Variants in CERT1 observed in about 807,000 individuals in gnomAD.
The protein encoded by CERT1 is ceramide transfer protein.
CERT1 carries 31 observed loss-of-function variants against 87.9 expected under a neutral mutation model. The ratio of observed to expected loss-of-function variants is 0.35; its 90% CI spans 0.27 to 0.48. CERT1 has a LOEUF of 0.48. Ranked by LOEUF, CERT1 falls within the 20% of genes least tolerant of loss-of-function variation. CERT1 has a pLI of 0.99. For synonymous variants in CERT1, 289 were observed against 250.9 expected, an observed-to-expected ratio of 1.15 and a Z score of -1.44; for missense variants, 487 against 758.0, an observed-to-expected ratio of 0.64 and a Z score of 4.20.
rs1404017968 is a variant in CERT1 at position 75,498,397 on chromosome 5, C to G, written c.231+7585G>C. Among the ~76,000 whole-genome samples the G allele has an allele frequency of 3.3e-5, 5 of 152,280 alleles. No individual in the cohort carries two copies. In the South Asian group the frequency reaches 6.2e-4, roughly 19 times the overall value. ...TCATGGCAGCCCCTCCCATCAAACA[C>G]CTGGAGGCCTAGGAGGGAAAAATGG... On this transcript the variant is annotated intron_variant, in intron 2 of 16. Transcript: ENST00000643780.
chr5:75,498,191 T>C (rs1767164885), intron 2 of CERT1, among the ~76,000 whole-genome samples: 1 of 152,190 alleles, frequency 6.6e-6, no homozygotes, highest in South Asian at 2.1e-4. Flanking sequence ...TGGCAAAGCA[T>C]TCAAGATGAA....
chr5:75,395,848 T>C (rs1762229781), intron 11 of CERT1, among the ~76,000 whole-genome samples: 1 of 151,804 alleles, frequency 6.6e-6, no homozygotes, highest in Admixed American at 6.6e-5. Flanking sequence ...AGACTCTGTC[T>C]CAAAAAAACC....
intron 3 of CERT1, among the ~76,000 whole-genome samples, chr5:75,435,557 T>C (rs183521950): frequency 3.3e-5 from 5 of 152,320 alleles, no homozygotes; most frequent in East Asian, 3.9e-4. Context: ...GGGCTGGTGT[T>C]CCTTTAATCT....
At position 75,426,577 on chromosome 5, in the gene CERT1, G is replaced by A. The variant is rs547543311; in HGVS notation, c.349-99C>T. ...ATTAACAAGGTTATTATAACAATTG[G>A]CAGTCTGGGTGCACATAAGATATAT... On this transcript the variant is annotated intron_variant, in intron 3 of 16. Coordinates refer to ENST00000643780, the MANE Select transcript of CERT1 (RefSeq NM_001379029.1). The A allele has an allele frequency of 2.0e-5, 16 of 800,916 alleles. 1 individual carries two copies. The highest frequency in any genetic ancestry group is 3.1e-5 in the Non-Finnish European group (15 of 485,180). The allele number at this position is 800,916 out of a possible 1,614,324, so 49.6% of individuals were successfully genotyped here. A position where few individuals can be genotyped will look rare whatever the true frequency, so the allele number is the denominator to read the frequency against.
chr5:75,496,564 C>T (rs929572656), intron 2 of CERT1, among the ~76,000 whole-genome samples: 4 of 152,132 alleles, frequency 2.6e-5, no homozygotes, highest in Non-Finnish European at 5.9e-5. Flanking sequence ...AAACTGGAAA[C>T]AAATATATAT....
intron 2 of CERT1, among the ~76,000 whole-genome samples, chr5:75,495,816 T>C (rs1213748521): frequency 6.6e-6 from 1 of 152,152 alleles, no homozygotes; most frequent in African/African-American, 2.4e-5. Context: ...TCAGAACTCA[T>C]GCTAAATGAC....
At chr5:75,412,675 G>T (rs1475095339) in intron 7 of CERT1, among the ~76,000 whole-genome samples, 1 of 152,116 alleles carries the variant, frequency 6.6e-6, no homozygotes, top group Non-Finnish European at 1.5e-5. Flanking sequence ...TAACATGATG[G>T]TTAAGTATTT....
At chr5:75,442,518 G>A (rs973745293) in intron 3 of CERT1, among the ~76,000 whole-genome samples, 1 of 152,218 alleles carries the variant, frequency 6.6e-6, no homozygotes. Context: ...ACTGTGCCCA[G>A]CCTTTCTGAT....
intron 12 of CERT1, among the ~76,000 whole-genome samples, chr5:75,388,050 G>C (rs1404861805): frequency 6.6e-6 from 1 of 152,142 alleles, no homozygotes; most frequent in African/African-American, 2.4e-5. Flanking sequence ...GGCAGGTCTG[G>C]CTCAACCCTT....
At chr5:75,395,633 G>A (rs1249382986) in intron 11 of CERT1, among the ~76,000 whole-genome samples, 8 of 151,384 alleles carry the variant, frequency 5.3e-5, no homozygotes, top group Non-Finnish European at 7.4e-5. Context: ...AGGCCGAGAC[G>A]GGCAGATCAC....
intron 5 of CERT1, among the ~76,000 whole-genome samples, chr5:75,424,557 C>T (rs1454682114): frequency 7.6e-5 from 11 of 144,262 alleles, no homozygotes; most frequent in Admixed American, 5.6e-4. Flanking sequence ...GGTGACAGAG[C>T]GAGACTCTGT....
At chr5:75,437,365 G>A (rs2112231457) in intron 3 of CERT1, among the ~76,000 whole-genome samples, 1 of 152,268 alleles carries the variant, frequency 6.6e-6, no homozygotes, top group South Asian at 2.1e-4. Flanking sequence ...TAAGTGATGG[G>A]TAACAGATAA....
chr5:75,393,822 G>C (rs768417803), intron 11 of CERT1, among the ~76,000 whole-genome samples: 10 of 151,528 alleles, frequency 6.6e-5, no homozygotes, highest in Non-Finnish European at 1.3e-4. Flanking sequence ...AAAATTAGCT[G>C]GGCGTGGTGG....
intron 2 of CERT1, among the ~76,000 whole-genome samples, chr5:75,480,502 A>G (rs924664523): frequency 1.3e-5 from 2 of 152,220 alleles, no homozygotes; most frequent in Non-Finnish European, 2.9e-5. Flanking sequence ...TCAATGCTGC[A>G]AGAATCAAAC....
At chr5:75,442,791 A>C (rs1194359667) in intron 3 of CERT1, among the ~76,000 whole-genome samples, 1 of 152,188 alleles carries the variant, frequency 6.6e-6, no homozygotes, top group Non-Finnish European at 1.5e-5. Flanking sequence ...AGAACGGAAA[A>C]GAGAGAAAGA....
chr5:75,428,502 C>T (rs950554342), intron 3 of CERT1, among the ~76,000 whole-genome samples: 2 of 152,056 alleles, frequency 1.3e-5, no homozygotes, highest in African/African-American at 4.8e-5. Flanking sequence ...CACGGTGAAA[C>T]CCTGTCTCTA....
intron 2 of CERT1, among the ~76,000 whole-genome samples, chr5:75,472,913 A>G (rs1242158114): frequency 1.3e-5 from 2 of 152,222 alleles, no homozygotes; most frequent in Non-Finnish European, 2.9e-5. Flanking sequence ...TCCTTGGTAT[A>G]TATCTAAAGT....
At chr5:75,434,631 G>GGT (rs1764013433) in intron 3 of CERT1, among the ~76,000 whole-genome samples, 1 of 150,804 alleles carries the variant, frequency 6.6e-6, no homozygotes, top group Non-Finnish European at 1.5e-5. Context: ...GGCTTTTTCT[G>GGT]ATTGGTAGGT....
chr5:75,392,969 CAAAAAAAAAAAAAA>C (rs1198217217), intron 11 of CERT1, among the ~76,000 whole-genome samples: 6 of 8,700 alleles, frequency 6.9e-4, no homozygotes, highest in African/African-American at 1.1e-3. Flanking sequence ...GACTCCGTCT[CAAAAAAAAAAAAAA>C]AAAAAAAAAA....
Sources: allele counts gnomAD v4.1 joint callset (sites outside exome capture counted in the v4.1 genomes callset), GRCh38; gene constraint gnomAD v4.1.1; transcripts MANE v1.5; gene names NCBI Gene and HGNC (gene_info 2026-07-23, HGNC 2026-07-21).